STARD13: variants seen among roughly 807,000 people sequenced by gnomAD.
STARD13 encodes the protein stAR-related lipid transfer protein 13.
In STARD13, 62 loss-of-function variants were observed where a neutral mutation model predicts 106.4. The observed-to-expected ratio is 0.58, with a 90% CI of 0.48 to 0.72. The LOEUF (loss-of-function observed/expected upper bound fraction) is 0.72. Ranked by LOEUF, STARD13 falls within the 30% of genes least tolerant of loss-of-function variation. STARD13 has a pLI of 0.00. For synonymous variants in STARD13, 565 were observed against 553.0 expected (o/e 1.02, Z -0.31); for missense variants, 1,387 against 1,424.0 (o/e 0.97, Z 0.42).
intron 3 of STARD13, among the ~76,000 whole-genome samples, chr13:33,145,079 G>A (rs894020564): frequency 2.0e-5 from 3 of 152,276 alleles, no homozygotes; most frequent in African/African-American, 4.8e-5. Flanking sequence ...ATGTTTGCCT[G>A]TACCTTACAA....
intron 1 of STARD13, among the ~76,000 whole-genome samples, chr13:33,245,116 C>T (rs997591707): frequency 1.3e-5 from 2 of 152,190 alleles, no homozygotes; most frequent in African/African-American, 4.8e-5. Flanking sequence ...CTATTAAAAC[C>T]GCAGAGCTGA....
At chr13:33,595,500 A>T in the STARD13 span, among the ~76,000 whole-genome samples, 2 of 152,174 alleles carry the variant, frequency 1.3e-5, no homozygotes, top group African/African-American at 2.4e-5. Context: ...ATGAGAACAG[A>T]GTTTAAAAGA....
the STARD13 span, among the ~76,000 whole-genome samples, chr13:33,454,075 T>C: frequency 1.3e-5 from 2 of 152,216 alleles, no homozygotes; most frequent in Admixed American, 1.3e-4. Context: ...GTGGAGGCTA[T>C]GAGAATGCAC....
chr13:33,137,447 G>C (rs1352726913), intron 4 of STARD13, among the ~76,000 whole-genome samples: 1 of 152,210 alleles, frequency 6.6e-6, no homozygotes, highest in African/African-American at 2.4e-5. Context: ...CTGATTCCCT[G>C]TTCTGGAGGA....
the STARD13 span, among the ~76,000 whole-genome samples, chr13:33,504,363 C>T: frequency 6.6e-6 from 1 of 152,074 alleles, no homozygotes; most frequent in Non-Finnish European, 1.5e-5. Context: ...CCCAAATGTT[C>T]ATCAATGATA....
At chr13:33,252,536 TC>T (rs1233679301) in intron 1 of STARD13, among the ~76,000 whole-genome samples, 1 of 111,830 alleles carries the variant, frequency 8.9e-6, no homozygotes, top group African/African-American at 3.4e-5. Flanking sequence ...ACTTTATCAA[TC>T]CCAATCTTTA....
At chr13:33,379,663 A>G in the STARD13 span, among the ~76,000 whole-genome samples, 1 of 152,264 alleles carries the variant, frequency 6.6e-6, no homozygotes, top group Non-Finnish European at 1.5e-5. Context: ...TCTTCACAAC[A>G]GGCCCAGGAG....
intron 3 of STARD13, among the ~76,000 whole-genome samples, chr13:33,161,796 C>G (rs949725863): frequency 1.3e-5 from 2 of 152,090 alleles, no homozygotes; most frequent in East Asian, 3.9e-4. Flanking sequence ...TGGACGTAGT[C>G]CAGTTCCACA....
the STARD13 span, among the ~76,000 whole-genome samples, chr13:33,636,775 G>A: frequency 9.2e-5 from 14 of 152,244 alleles, no homozygotes; most frequent in East Asian, 2.7e-3. Context: ...AAAAACCTTG[G>A]CTGGGTCGTC....
chr13:33,117,454 G>A (rs1455276042), intron 8 of STARD13: 1 of 284,072 alleles, frequency 3.5e-6, no homozygotes, highest in Non-Finnish European at 5.3e-6. Flanking sequence ...ACTTATAGTA[G>A]GATATGCTTC....
the STARD13 span, among the ~76,000 whole-genome samples, chr13:33,390,735 CTCTGGTGAATA>C: frequency 1.3e-5 from 2 of 152,110 alleles, no homozygotes; most frequent in Non-Finnish European, 2.9e-5. Context: ...CAGGCTTTAT[CTCTGGTGAATA>C]TCATACTAGT....
chr13:33,344,449 A>C (rs1314260579), downstream of STARD13, among the ~76,000 whole-genome samples: 2 of 152,252 alleles, frequency 1.3e-5, no homozygotes, highest in African/African-American at 4.8e-5. Context: ...CATGAAAAGA[A>C]TAGTTGAGTA....
intron 1 of STARD13, among the ~76,000 whole-genome samples, chr13:33,317,685 T>C (rs1893392228): frequency 6.6e-6 from 1 of 152,196 alleles, no homozygotes; most frequent in Non-Finnish European, 1.5e-5. Context: ...ATTTTTCTTC[T>C]CATATACTTA....
At chr13:33,260,463 G>A (rs1371381193) in intron 1 of STARD13, among the ~76,000 whole-genome samples, 2 of 152,138 alleles carry the variant, frequency 1.3e-5, no homozygotes, top group East Asian at 1.9e-4. Context: ...TTTTACGGGG[G>A]AGGTCATCAA....
At chr13:33,366,259 AAGAC>A in the STARD13 span, among the ~76,000 whole-genome samples, 1 of 152,160 alleles carries the variant, frequency 6.6e-6, no homozygotes, top group Admixed American at 6.5e-5. The surrounding 1 kb of genome is among the most constrained non-coding windows in gnomAD (Gnocchi z 4.2). Context: ...AAGCTTAAGA[AAGAC>A]AGGATCAAGG....
At chr13:33,331,117 T>C (rs1246745847) in intron 1 of STARD13, among the ~76,000 whole-genome samples, 1 of 144,354 alleles carries the variant, frequency 6.9e-6, no homozygotes, top group East Asian at 1.9e-4. Flanking sequence ...GCTCCTCATC[T>C]GGCTCTGACC....
chr13:33,274,426 G>C (rs1443957955), intron 1 of STARD13, among the ~76,000 whole-genome samples: 1 of 152,184 alleles, frequency 6.6e-6, no homozygotes, highest in Non-Finnish European at 1.5e-5. Flanking sequence ...CCGGCACCTT[G>C]TTCTCAACTT....
the STARD13 span, among the ~76,000 whole-genome samples, chr13:33,507,842 T>C: frequency 6.6e-6 from 1 of 152,206 alleles, no homozygotes; most frequent in Non-Finnish European, 1.5e-5. Context: ...ATATTTATTA[T>C]TGATTAAGTG....
chr13:33,557,995 T>C, the STARD13 span, among the ~76,000 whole-genome samples: 12 of 152,184 alleles, frequency 7.9e-5, no homozygotes, highest in African/African-American at 2.9e-4. Flanking sequence ...AGCTGCCATA[T>C]CATTTAAACC....
Sources: allele counts gnomAD v4.1 joint callset (sites outside exome capture counted in the v4.1 genomes callset), GRCh38; gene constraint gnomAD v4.1.1; non-coding constraint Gnocchi (gnomAD v3.1); transcripts MANE v1.5; gene names NCBI Gene and HGNC (gene_info 2026-07-23, HGNC 2026-07-21).